The following RIMBP2 variants were observed in gnomAD, a reference collection of about 807,000 sequenced individuals.
RIMBP2 encodes RIMS binding protein 2.
A neutral mutation model predicts 118.6 loss-of-function variants in RIMBP2; 48 were observed. That is an observed-to-expected ratio of 0.40 (90% CI 0.32 to 0.51). RIMBP2 has a LOEUF of 0.51. Ranked by LOEUF, RIMBP2 falls within the 20% of genes least tolerant of loss-of-function variation. The pLI is 0.41. For synonymous variants in RIMBP2, 762 were observed against 742.9 expected, an observed-to-expected ratio of 1.03 and a Z score of -0.42; for missense variants, 1,551 against 1,768.3, an observed-to-expected ratio of 0.88 and a Z score of 2.20.
intron 3 of RIMBP2, among the ~76,000 whole-genome samples, chr12:130,515,835 T>A (rs1302243255): frequency 6.6e-6 from 1 of 152,082 alleles, no homozygotes; most frequent in Non-Finnish European, 1.5e-5. Flanking sequence ...GTAGCTGGGA[T>A]TCCAGGCGTG....
chr12:130,618,896 G>A (rs965852819), intron 2 of RIMBP2, among the ~76,000 whole-genome samples: 7 of 152,118 alleles, frequency 4.6e-5, no homozygotes, highest in Non-Finnish European at 8.8e-5. Context: ...GACCGAAGAA[G>A]GGATGGAGGG....
intron 1 of RIMBP2, among the ~76,000 whole-genome samples, chr12:130,641,749 C>T (rs2062633018): frequency 6.6e-6 from 1 of 152,134 alleles, no homozygotes; most frequent in Non-Finnish European, 1.5e-5. Context: ...AGCCTCAGGG[C>T]ACCTCATGCC....
At position 130,628,235 on chromosome 12, in the gene RIMBP2, A is replaced by T. The variant is rs1034511437; in HGVS notation, c.-217+87T>A. ...GTTGGCACTCGATAAATATGCCTCA[A>T]ATAAATCAACAAACCATGAAAGAAC... On this transcript the variant is annotated intron_variant, in intron 2 of 22. Coordinates refer to ENST00000690449, the MANE Select transcript of RIMBP2 (RefSeq NM_001393629.1). 3 of 152,362 alleles carry T rather than the reference A, an allele frequency of 2.0e-5. No individual in the cohort carries two copies. In the East Asian group the frequency reaches 5.8e-4, roughly 29 times the overall value. 9.4% of individuals were successfully genotyped at this position (152,362 alleles called of 1,614,324 possible). A position where few individuals can be genotyped will look rare whatever the true frequency, so the allele number is the denominator to read the frequency against.
chr12:130,447,784 G>A lies in RIMBP2; in HGVS notation c.581+2416C>T, dbSNP rs1428087967. On this transcript the variant is annotated intron_variant, in intron 9 of 22. Transcript: ENST00000690449. The surrounding 1 kb of genome is among the most constrained non-coding windows in gnomAD (Gnocchi z 4.4). The stretch of plus-strand genomic sequence containing the variant: ...GAGCCCTCAGCAAGGCGTTCCCCAC[G>A]GCGGAGGCTGCACCAGATGGAAGGG... Among the ~76,000 whole-genome samples the A allele has an allele frequency of 6.6e-6, 1 of 152,184 alleles. No homozygotes were observed. The highest frequency in any genetic ancestry group is 1.5e-5 in the Non-Finnish European group (1 of 68,030).
At chr12:130,536,675 T>C (rs2054113938) in intron 2 of RIMBP2, among the ~76,000 whole-genome samples, 1 of 152,238 alleles carries the variant, frequency 6.6e-6, no homozygotes. Context: ...CATGTCTGGC[T>C]ATTTAATTTT....
rs190644403 is a variant in RIMBP2 at position 130,547,980 on chromosome 12, T to A, written c.-216-30063A>T. Among the ~76,000 whole-genome samples the A allele has an allele frequency of 7.9e-5, 12 of 152,318 alleles. No individual in the cohort carries two copies. In the East Asian group the frequency reaches 2.3e-3, roughly 29 times the overall value. On this transcript the variant is annotated intron_variant, in intron 2 of 22. Coordinates refer to ENST00000690449, the MANE Select transcript of RIMBP2 (RefSeq NM_001393629.1). ...GCTGTTGATGATGCACAGACCTCCA[T>A]GTATGGGGCTAAGGATGATCGTATG...
At chr12:130,676,379 C>A (rs1332247073) in intron 1 of RIMBP2, among the ~76,000 whole-genome samples, 1 of 149,868 alleles carries the variant, frequency 6.7e-6, no homozygotes, top group East Asian at 2.0e-4. Context: ...AACACCAGCA[C>A]TTTCGGAGGC....
At chr12:130,479,455 A>C (rs1265994415) in intron 4 of RIMBP2, among the ~76,000 whole-genome samples, 1 of 152,188 alleles carries the variant, frequency 6.6e-6, no homozygotes, top group Non-Finnish European at 1.5e-5. Context: ...TATCATCCCC[A>C]TCATAAGCCT....
intron 2 of RIMBP2, among the ~76,000 whole-genome samples, chr12:130,537,370 C>T (rs11060981): frequency 0.076 from 11,576 of 152,274 alleles, 562 homozygotes; most frequent in East Asian, 0.24. Flanking sequence ...CCACTGGCAG[C>T]GTAAGACAGG....
At chr12:130,436,771 G>A (rs2077548261) in intron 13 of RIMBP2, 71 bp downstream of exon 13, 3 of 1,244,346 alleles carry the variant, frequency 2.4e-6, no homozygotes, top group South Asian at 5.0e-5. Flanking sequence ...CATGGGCTGG[G>A]GAGATTACAG....
At chr12:130,410,808 C>A (rs759563482) in intron 19 of RIMBP2, among the ~76,000 whole-genome samples, 2 of 152,180 alleles carry the variant, frequency 1.3e-5, no homozygotes, top group African/African-American at 4.8e-5. Flanking sequence ...TTCCAAGCTT[C>A]TTGTTCTTGT....
At chr12:130,467,318 C>A (rs2080570214) in intron 6 of RIMBP2, among the ~76,000 whole-genome samples, 1 of 152,238 alleles carries the variant, frequency 6.6e-6, no homozygotes, top group Admixed American at 6.5e-5. Context: ...CTGGAGATAA[C>A]ATCACTATTG....
At chr12:130,536,391 C>G (rs1206659139) in intron 2 of RIMBP2, among the ~76,000 whole-genome samples, 2 of 152,178 alleles carry the variant, frequency 1.3e-5, no homozygotes, top group East Asian at 1.9e-4. Flanking sequence ...AATCCAGCCT[C>G]AAGAATGAAG....
At chr12:130,674,558 C>T (rs1188316799) in intron 1 of RIMBP2, among the ~76,000 whole-genome samples, 4 of 152,150 alleles carry the variant, frequency 2.6e-5, no homozygotes, top group Non-Finnish European at 5.9e-5. Context: ...CACCAACACC[C>T]CTGTACCATC....
At chr12:130,546,115 T>TC (rs1379968033) in intron 2 of RIMBP2, among the ~76,000 whole-genome samples, 2 of 148,208 alleles carry the variant, frequency 1.3e-5, no homozygotes, top group Non-Finnish European at 3.0e-5. Flanking sequence ...TTTTTTTTTT[T>TC]TTGGGATGGA....
chr12:130,699,861 T>C (rs12304255), intron 1 of RIMBP2, among the ~76,000 whole-genome samples: 9,877 of 137,884 alleles, frequency 0.072, 1,144 homozygotes, highest in African/African-American at 0.25. Context: ...GCCGAGATCA[T>C]GCCTCTGCAC....
At chr12:130,451,515 AC>A (rs1227590600) in intron 7 of RIMBP2, among the ~76,000 whole-genome samples, 175 bp from the exon 8 acceptor site, 2 of 151,968 alleles carry the variant, frequency 1.3e-5, no homozygotes, top group African/African-American at 4.8e-5. Flanking sequence ...GCGCGACCCC[AC>A]CCTCAGCTCT....
intron 6 of RIMBP2, among the ~76,000 whole-genome samples, chr12:130,457,273 T>C (rs1162663032): frequency 6.6e-6 from 1 of 152,216 alleles, no homozygotes; most frequent in Non-Finnish European, 1.5e-5. Flanking sequence ...CTCTATCTGC[T>C]ATGTTCAGTT....
rs2074154549 is a variant in RIMBP2, at chr12:130,397,557, G to GT, written c.3901-9dup. ...TGAACCCTCAGGAGGAACCTAGTAG[G>GT]TACAGTGTTACAGTTTATTGAGTGT... On this transcript the variant is annotated splice_polypyrimidine_tract_variant and intron_variant, in intron 22 of 22. Transcript: ENST00000690449. 1 of 399,008 alleles carries GT rather than the reference G, an allele frequency of 2.5e-6. No individual in the cohort carries two copies. Among genetic ancestry groups the GT allele is most frequent in the Non-Finnish European group, 4.4e-6 (1 of 226,092 alleles). 24.7% of individuals were successfully genotyped at this position (399,008 alleles called of 1,614,324 possible).
Sources: gnomAD v4.1 joint callset for allele counts (sites outside exome capture counted in the v4.1 genomes callset) on GRCh38, gnomAD v4.1.1 for gene constraint, Gnocchi (gnomAD v3.1) non-coding constraint, MANE v1.5 for transcripts, NCBI Gene and HGNC (gene_info 2026-07-23, HGNC 2026-07-21) for gene names.